EPHA1: variants seen among roughly 807,000 people sequenced by gnomAD.
The protein encoded by EPHA1 is EPH receptor A1.
A neutral mutation model predicts 110.1 loss-of-function variants in EPHA1; 92 were observed. That is an observed-to-expected ratio of 0.84 (90% CI 0.71 to 0.99). The LOEUF (loss-of-function observed/expected upper bound fraction) is 0.99. EPHA1 is among the 50% of genes least tolerant of loss of function. The probability of loss-of-function intolerance (pLI) is 0.00; values close to 1 mark genes in which losing one functional copy is unlikely to be tolerated. For synonymous variants in EPHA1, 500 were observed against 516.1 expected, an observed-to-expected ratio of 0.97 and a Z score of 0.42; for missense variants, 1,204 against 1,285.4, an observed-to-expected ratio of 0.94 and a Z score of 0.97.
In EPHA1 at chr7:143,401,572, G is replaced by A. The variant is rs139238731; in HGVS notation, c.184C>T (p.Pro62Ser). The change falls in exon 3 of 18, where the codon CCC becomes TCC. Residue 62 changes from proline (P) to serine (S), a missense_variant. Physicochemically the swap from Pro to Ser is moderately conservative, Grantham distance 74. Coordinates refer to ENST00000275815, the MANE Select transcript of EPHA1 (RefSeq NM_005232.5). This position sits in a 1 kb window ranked among gnomAD's most constrained non-coding sequence, Gnocchi z 4.1. ...SEQQQILNGT[P>S]LYMYQDCPMQ... ...GGGCAGTCCTGGTACATGTACAGGG[G>A]TGTCCCATTCAGTATCTGTTGCTGT... The A allele has an allele frequency of 6.2e-7, 1 of 1,614,078 alleles. No homozygotes were observed. Among genetic ancestry groups the A allele is most frequent in the Middle Eastern group, 1.7e-4 (1 of 6,056 alleles).
rs1488827817 is a variant in EPHA1, at chr7:143,394,259, C to T, written c.2437G>A (p.Gly813Arg). The T allele has an allele frequency of 1.2e-6, 2 of 1,613,910 alleles. No individual in the cohort carries two copies. The highest frequency in any genetic ancestry group is 1.1e-5 in the South Asian group (1 of 91,082). The change falls in exon 15 of 18, where the codon GGG becomes AGG. Residue 813 changes from glycine (G) to arginine (R), a missense_variant. By Grantham distance (125) the Gly-to-Arg change is moderately radical. Coordinates refer to ENST00000275815, the MANE Select transcript of EPHA1 (RefSeq NM_005232.5). ...CTCAGCACCTCCCACATCACAATCC[C>T]AAAGCTCCACACATCGCTGGCTGTG... is the stretch of plus-strand genomic sequence containing the variant. ...FTTASDVWSF[G>R]IVMWEVLSFG...
At chr7:143,397,852 C>G in intron 8 of EPHA1, 68 bp downstream of exon 8, 1 of 1,589,342 alleles carries the variant, frequency 6.3e-7, no homozygotes, top group Non-Finnish European at 8.6e-7. Context: ...CTACGTGGAA[C>G]AGGAGCTGAG....
chr7:143,408,657 G>T, intron 1 of EPHA1, 67 bp downstream of exon 1: 1 of 391,110 alleles, frequency 2.6e-6, no homozygotes, highest in South Asian at 1.3e-4. Flanking sequence ...TCTGCAGGGG[G>T]GTGCTGGCCG....
At chr7:143,397,019 C>G (rs2116620457) in intron 10 of EPHA1, among the ~76,000 whole-genome samples, 1 of 152,262 alleles carries the variant, frequency 6.6e-6, no homozygotes, top group Non-Finnish European at 1.5e-5. Context: ...GGAGGGCTGT[C>G]CAGAGCCCAG....
Position 143,399,827 on chromosome 7 carries a change from C to T in EPHA1, c.659G>A (p.Gly220Asp). The change falls in exon 4 of 18, where the codon GGC becomes GAC. Residue 220 changes from glycine to aspartate, a missense_variant. Physicochemically the swap from Gly to Asp is moderately conservative, Grantham distance 94. Coordinates refer to ENST00000275815, the MANE Select transcript of EPHA1 (RefSeq NM_005232.5). ...GLAQFPDTLP[G>D]PAGLVEVAGT... ...CGCCACTTCCACCAACCCAGCGGGGCCAGGCAGAGTGTCTGGGAATTGGGC... is the reference window on the plus strand; with the variant it reads ...CGCCACTTCCACCAACCCAGCGGGGTCAGGCAGAGTGTCTGGGAATTGGGC... The T allele has an allele frequency of 6.2e-7, 1 of 1,609,658 alleles. No homozygotes were observed. Among genetic ancestry groups the T allele is most frequent in the Non-Finnish European group, 8.5e-7 (1 of 1,177,866 alleles).
At position 143,391,772 on chromosome 7, in the gene EPHA1, C is replaced by T. The variant is rs1405011301; in HGVS notation, c.2700G>A (p.Met900Ile). ...CACTCAGGCTGGGCAGGCGAAGAGT[C>T]ATCCTGTGGGACATGGGCATGTCAG... is the stretch of plus-strand genomic sequence containing the variant. ...LRTIANFDPR[M>I]TLRLPSLSGS... The change falls in exon 17 of 18, where the codon ATG (methionine) becomes ATA (isoleucine). Residue 900 changes from methionine (M) to isoleucine (I), a missense_variant. Physicochemically the swap from Met to Ile is conservative, Grantham distance 10. Coordinates refer to ENST00000275815, the MANE Select transcript of EPHA1 (RefSeq NM_005232.5). 1 of 1,613,764 alleles carries T rather than the reference C, an allele frequency of 6.2e-7. No homozygotes were observed. Among genetic ancestry groups the T allele is most frequent in the Admixed American group, 1.7e-5 (1 of 60,014 alleles).
Position 143,397,570 on chromosome 7 carries a change from A to G in EPHA1, c.1703T>C (p.Phe568Ser), listed in dbSNP as rs1360684162. ...GGGCAGGAGCTGGCACCTGGACCGG[A>G]AAACGAGAATCCCAAGCAGCAAGGC... ...GAALLLGILV[F>S]RSRRAQRQRQ... is the part of the protein sequence containing the mutation. Residue 568 changes from phenylalanine (F) to serine (S), a missense_variant, in exon 9 of 18, where the codon TTC (phenylalanine) becomes TCC (serine). By Grantham distance (155) the Phe-to-Ser change is radical. Coordinates refer to ENST00000275815, the MANE Select transcript of EPHA1 (RefSeq NM_005232.5). The G allele has an allele frequency of 6.2e-7, 1 of 1,614,108 alleles. No homozygotes were observed. The highest frequency in any genetic ancestry group is 1.3e-5 in the African/African-American group (1 of 75,030).
chr7:143,391,994 G>T (rs914132047), intron 16 of EPHA1, among the ~76,000 whole-genome samples: 1 of 152,202 alleles, frequency 6.6e-6, no homozygotes, highest in African/African-American at 2.4e-5. Flanking sequence ...ATGTCGACAG[G>T]CCTATAGGAA....
rs1475628798 is a variant in EPHA1, at chr7:143,401,419, C to T, written c.337G>A (p.Ala113Thr). 2 of 1,614,114 alleles carry T rather than the reference C, an allele frequency of 1.2e-6. No individual in the cohort carries two copies. Among genetic ancestry groups the T allele is most frequent in the South Asian group, 2.2e-5 (2 of 91,082 alleles). ...GTCTCCTTGCAGCCCAGAGGCCCGG[C>T]TCCCCCAGGGAAACTCTTGCAGTCC... ...VRDCKSFPGGAGPLGCKETFN... is the reference protein window; with the variant it reads ...VRDCKSFPGGTGPLGCKETFN... Residue 113 changes from alanine to threonine, a missense_variant, in exon 3 of 18, where the codon GCC becomes ACC. By Grantham distance (58) the Ala-to-Thr change is moderately conservative. Coordinates refer to ENST00000275815, the MANE Select transcript of EPHA1 (RefSeq NM_005232.5). This position sits in a 1 kb window ranked among gnomAD's most constrained non-coding sequence, Gnocchi z 4.1.
At chr7:143,398,987 G>C in intron 5 of EPHA1, 42 bp from the exon 6 acceptor site, 1 of 1,510,510 alleles carries the variant, frequency 6.6e-7, no homozygotes, top group Non-Finnish European at 8.9e-7. Flanking sequence ...CGACCTCGCT[G>C]TCACCCGAGC....
chr7:143,393,664 T>G lies in EPHA1; in HGVS notation c.2696+7A>C, dbSNP rs747828559. The G allele has an allele frequency of 1.1e-5, 17 of 1,612,492 alleles. No homozygotes were observed. Among genetic ancestry groups the G allele is most frequent in the Non-Finnish European group, 1.4e-5 (17 of 1,179,534 alleles). ...TGGGTTCCCTAGTCCTTCCCCTGCA[T>G]GGTTACCTGGGGTCAAAGTTGGCAA... On this transcript the variant is annotated splice_region_variant and intron_variant, in intron 16 of 17. Transcript: ENST00000275815. The surrounding 1 kb of genome is among the most constrained non-coding windows in gnomAD (Gnocchi z 5.6).
chr7:143,401,448 A>C lies in EPHA1; in HGVS notation c.308T>G (p.Val103Gly). Residue 103 changes from valine (V) to glycine (G), a missense_variant, in exon 3 of 18, where the codon GTG (valine) becomes GGG (glycine). Physicochemically the swap from Val to Gly is moderately radical, Grantham distance 109. Coordinates refer to ENST00000275815, the MANE Select transcript of EPHA1 (RefSeq NM_005232.5). The surrounding 1 kb of genome is among the most constrained non-coding windows in gnomAD (Gnocchi z 4.1). ...SRVHVELQFTVRDCKSFPGGA... is the reference protein window; with the variant it reads ...SRVHVELQFTGRDCKSFPGGA... The stretch of plus-strand genomic sequence containing the variant: ...CCCAGGGAAACTCTTGCAGTCCCGC[A>C]CGGTGAACTGCAGCTCCACGTGGAC... 1 of 1,614,064 alleles carries C rather than the reference A, an allele frequency of 6.2e-7. No homozygotes were observed.
At position 143,393,709 on chromosome 7, in the gene EPHA1, G is replaced by A. The variant is rs1267830456; in HGVS notation, c.2658C>T (p.Asn886=). 6.2e-7 allele frequency: 1 copy of A among 1,613,766 alleles called. No homozygotes were observed. The highest frequency in any genetic ancestry group is 8.5e-7 in the Non-Finnish European group (1 of 1,179,968). The part of the protein sequence containing the change: ...LQAHLEQLLA[N]PHSLRTIANF... The stretch of plus-strand genomic sequence containing the variant: ...TGGCAATGGTCCGCAGGGAGTGGGG[G>A]TTGGCAAGCAGTTGCTCCAGATGTG... Residue 886 remains asparagine (N), a synonymous_variant, in exon 16 of 18, where the codon AAC becomes AAT. Transcript: ENST00000275815. The surrounding 1 kb of genome is among the most constrained non-coding windows in gnomAD (Gnocchi z 5.6).
intron 7 of EPHA1, 85 bp from the exon 8 acceptor site, chr7:143,398,155 G>C: frequency 1.3e-6 from 2 of 1,588,386 alleles, no homozygotes; most frequent in Non-Finnish European, 1.7e-6. Flanking sequence ...CATGGGGAGG[G>C]GCTGGAGAGC....
chr7:143,403,401 T>G (rs1330782427), intron 2 of EPHA1, among the ~76,000 whole-genome samples: 1 of 147,696 alleles, frequency 6.8e-6, no homozygotes, highest in Non-Finnish European at 1.5e-5. Flanking sequence ...GCCACAAAAG[T>G]GTATATAGAG....
At chr7:143,397,263 GCACACGCATGTGGGGA>G (rs1391646755) in intron 10 of EPHA1, 25 bp downstream of exon 10, 1 of 1,534,802 alleles carries the variant, frequency 6.5e-7, no homozygotes, top group African/African-American at 1.4e-5. Context: ...ACACAGGTGT[GCACACGCATGTGGGGA>G]CACACGCAGG....
chr7:143,393,807 G>T lies in EPHA1; in HGVS notation c.2560C>A (p.Pro854Thr). The T allele has an allele frequency of 6.2e-7, 1 of 1,606,296 alleles. No individual in the cohort carries two copies. The highest frequency in any genetic ancestry group is 1.1e-5 in the South Asian group (1 of 90,288). Residue 854 changes from proline (P) to threonine (T), a missense_variant, in exon 16 of 18, where the codon CCT (proline) becomes ACT (threonine). Pro to Thr is a conservative substitution (Grantham distance 38). Transcript: ENST00000275815. The surrounding 1 kb of genome is among the most constrained non-coding windows in gnomAD (Gnocchi z 5.6). ...RLPPPVDCPAPLYELMKNCWA... is the reference protein window; with the variant it reads ...RLPPPVDCPATLYELMKNCWA... Reference sequence around the variant, plus strand: ...CAGTTCTTCATGAGCTCATACAGAGGGGCAGGGCAGTCCACAGGAGGGGGC... The same window carrying T: ...CAGTTCTTCATGAGCTCATACAGAGTGGCAGGGCAGTCCACAGGAGGGGGC...
In EPHA1 at chr7:143,394,267, C is replaced by T. The variant is rs372075941; in HGVS notation, c.2429G>A (p.Trp810Ter). Residue 810 changes from tryptophan to a stop codon, truncating the protein, a stop_gained, in exon 15 of 18, where the codon TGG becomes TAG. Coordinates refer to ENST00000275815, the MANE Select transcript of EPHA1 (RefSeq NM_005232.5). LOFTEE classifies it high-confidence loss of function. ...CTCCCACATCACAATCCCAAAGCTCCACACATCGCTGGCTGTGGTGAAGAT... is the reference window on the plus strand; with the variant it reads ...CTCCCACATCACAATCCCAAAGCTCTACACATCGCTGGCTGTGGTGAAGAT... ...HRIFTTASDV[W>*]SFGIVMWEVL... The T allele has an allele frequency of 3.5e-5, 57 of 1,614,044 alleles. No homozygotes were observed. Among genetic ancestry groups the T allele is most frequent in the Non-Finnish European group, 4.7e-5 (56 of 1,180,004 alleles).
chr7:143,407,777 T>A (rs1586590627), intron 1 of EPHA1, 99 bp from the exon 2 acceptor site: 3 of 1,076,582 alleles, frequency 2.8e-6, no homozygotes, highest in African/African-American at 3.2e-5. Context: ...GGCTGCAACA[T>A]CCTGTTCCTA....
Sources: allele counts gnomAD v4.1 joint callset (sites outside exome capture counted in the v4.1 genomes callset), GRCh38; gene constraint gnomAD v4.1.1; non-coding constraint Gnocchi (gnomAD v3.1); transcripts MANE v1.5; gene names NCBI Gene and HGNC (gene_info 2026-07-23, HGNC 2026-07-21).